Variants in SND1 observed in about 807,000 individuals in gnomAD.
SND1 encodes staphylococcal nuclease domain-containing protein 1.
SND1 carries 38 observed loss-of-function variants against 121.7 expected under a neutral mutation model. The observed-to-expected ratio is 0.31, with a 90% CI of 0.24 to 0.41. SND1 has a LOEUF of 0.41. Among genes scored for constraint, SND1 ranks in the 10% least tolerant of loss-of-function variants. The pLI is 1.00. For missense variants in SND1, 868 were observed against 1,184.6 expected, an observed-to-expected ratio of 0.73 and a Z score of 3.92; for synonymous variants, 401 against 447.4, an observed-to-expected ratio of 0.90 and a Z score of 1.31.
intron 10 of SND1, among the ~76,000 whole-genome samples, chr7:127,726,727 AT>A (rs1357437392): frequency 1.3e-5 from 2 of 152,160 alleles, no homozygotes; most frequent in African/African-American, 2.4e-5. Flanking sequence ...GGGCTGACTT[AT>A]TCTCCCTGAA....
intron 12 of SND1, among the ~76,000 whole-genome samples, chr7:127,851,226 CAGTTG>C (rs1799160659): frequency 6.6e-6 from 1 of 152,124 alleles, no homozygotes; most frequent in East Asian, 1.9e-4. Context: ...TTTATACTGT[CAGTTG>C]AGTTGAGTGC....
chr7:127,690,671 G>A (rs1015528158), intron 2 of SND1, among the ~76,000 whole-genome samples: 8 of 152,216 alleles, frequency 5.3e-5, no homozygotes, highest in Non-Finnish European at 7.3e-5. Flanking sequence ...ATACAGGTAA[G>A]CAGTGAATAA....
intron 13 of SND1, among the ~76,000 whole-genome samples, chr7:127,897,646 A>G (rs993242554): frequency 3.3e-5 from 5 of 152,142 alleles, no homozygotes; most frequent in Non-Finnish European, 7.4e-5. Flanking sequence ...TTCTTGCCCT[A>G]TGACAGCAGT....
At chr7:127,991,089 G>A (rs781016653) in intron 16 of SND1, 33 bp downstream of exon 16, 4 of 1,529,536 alleles carry the variant, frequency 2.6e-6, no homozygotes, top group Non-Finnish European at 3.6e-6. Flanking sequence ...CTTCTGTGAG[G>A]AGGGGTGACA....
Position 128,029,144 on chromosome 7 carries a change from A to C in SND1, c.1779+38088A>C. 6.2e-7 allele frequency: 1 copy of C among 1,613,994 alleles called. No homozygotes were observed. The highest frequency in any genetic ancestry group is 8.5e-7 in the Non-Finnish European group (1 of 1,180,006). On this transcript the variant is annotated intron_variant, in intron 16 of 23. Coordinates refer to ENST00000354725, the MANE Select transcript of SND1 (RefSeq NM_014390.4). This position sits in a 1 kb window ranked among gnomAD's most constrained non-coding sequence, Gnocchi z 4.2. ...CGGGTACTGCCACCTGCTTGGGCAC[A>C]CGGGTAGTCTGAATGAGCACCGTGG...
intron 1 of SND1, among the ~76,000 whole-genome samples, chr7:127,682,369 C>T (rs548932435): frequency 1.3e-5 from 2 of 152,302 alleles, no homozygotes; most frequent in Admixed American, 6.5e-5. Flanking sequence ...AATCACACCA[C>T]GTCCCTCTGC....
At chr7:127,749,126 C>G (rs1380174684) in intron 10 of SND1, among the ~76,000 whole-genome samples, 10 of 150,664 alleles carry the variant, frequency 6.6e-5, no homozygotes, top group African/African-American at 2.4e-4. Flanking sequence ...CTTGAACTCC[C>G]AGGCCCAGGT....
At chr7:128,082,040 G>A (rs1394569706) in intron 18 of SND1, 1 of 515,590 alleles carries the variant, frequency 1.9e-6, no homozygotes, top group Non-Finnish European at 4.0e-6. Flanking sequence ...ACATCCCCGG[G>A]CAGTCTCTGA....
chr7:127,866,773 C>T (rs1379817904), intron 12 of SND1, among the ~76,000 whole-genome samples: 2 of 152,186 alleles, frequency 1.3e-5, no homozygotes, highest in East Asian at 3.8e-4. Flanking sequence ...CTTCCTATCA[C>T]TGTCAGCAGT....
chr7:127,863,262 T>G (rs1174734631), intron 12 of SND1, among the ~76,000 whole-genome samples: 1 of 152,196 alleles, frequency 6.6e-6, no homozygotes, highest in Non-Finnish European at 1.5e-5. Flanking sequence ...CCACACAGCT[T>G]CTTTCTGTAC....
intron 11 of SND1, among the ~76,000 whole-genome samples, chr7:127,811,650 C>T (rs1285240309): frequency 6.6e-6 from 1 of 152,104 alleles, no homozygotes; most frequent in Non-Finnish European, 1.5e-5. Flanking sequence ...AGACTACCTC[C>T]TCGTATCAGT....
chr7:127,656,953 G>A (rs1205673352), intron 1 of SND1, among the ~76,000 whole-genome samples: 1 of 152,202 alleles, frequency 6.6e-6, no homozygotes, highest in African/African-American at 2.4e-5. Flanking sequence ...TTCCCGGCAG[G>A]TAAGCCTGGT....
chr7:127,753,882 A>T (rs528248582), intron 10 of SND1, among the ~76,000 whole-genome samples: 8 of 152,300 alleles, frequency 5.3e-5, no homozygotes, highest in African/African-American at 1.9e-4. Flanking sequence ...TCAATACTAC[A>T]CCCATCCAGA....
At chr7:127,976,699 T>A (rs1360490934) in intron 15 of SND1, among the ~76,000 whole-genome samples, 1 of 152,276 alleles carries the variant, frequency 6.6e-6, no homozygotes, top group Non-Finnish European at 1.5e-5. Context: ...AATCTTTCCC[T>A]GAATTCTGCA....
chr7:128,011,784 T>C (rs1357633763), intron 16 of SND1, among the ~76,000 whole-genome samples: 1 of 152,198 alleles, frequency 6.6e-6, no homozygotes, highest in Non-Finnish European at 1.5e-5. Context: ...GAACATATTT[T>C]TTAGAGATAC....
intron 8 of SND1, 34 bp from the exon 9 acceptor site, chr7:127,707,523 T>C: frequency 6.3e-7 from 1 of 1,583,786 alleles, no homozygotes; most frequent in Non-Finnish European, 8.7e-7. Flanking sequence ...ATTTGCTGAG[T>C]CTGAATGATC....
intron 11 of SND1, among the ~76,000 whole-genome samples, chr7:127,826,449 G>A (rs1299220757): frequency 6.6e-6 from 1 of 152,054 alleles, no homozygotes; most frequent in African/African-American, 2.4e-5. Flanking sequence ...AGATTTGAGA[G>A]GATGTAAAGA....
rs189275129 is a variant in SND1, at chr7:127,758,129, G to T, written c.1152+36729G>T. Among the ~76,000 whole-genome samples, 223 of 152,298 alleles carry T rather than the reference G, an allele frequency of 1.5e-3. 2 individuals carry two copies. The highest frequency in any genetic ancestry group is 0.013 in the Admixed American group (200 of 15,296). Reference sequence around the variant, plus strand: ...ATGTTATTACATAGAAGTGATCATAGTTGCCATGTTATTGTGAACTTACTA... The same window carrying T: ...ATGTTATTACATAGAAGTGATCATATTTGCCATGTTATTGTGAACTTACTA... On this transcript the variant is annotated intron_variant, in intron 10 of 23. Transcript: ENST00000354725.
At chr7:127,903,017 G>A (rs1471208924) in intron 13 of SND1, among the ~76,000 whole-genome samples, 1 of 152,106 alleles carries the variant, frequency 6.6e-6, no homozygotes, top group Non-Finnish European at 1.5e-5. Context: ...GAGTAGCTGG[G>A]ATTCCAGGTA....
Sources: allele counts gnomAD v4.1 joint callset (sites outside exome capture counted in the v4.1 genomes callset), GRCh38; gene constraint gnomAD v4.1.1; non-coding constraint Gnocchi (gnomAD v3.1); transcripts MANE v1.5; gene names NCBI Gene and HGNC (gene_info 2026-07-23, HGNC 2026-07-21).